The following SHROOM2 variants were observed in gnomAD, a reference collection of about 807,000 sequenced individuals.
SHROOM2 encodes shroom family member 2.
In SHROOM2, 33 loss-of-function variants were observed where a neutral mutation model predicts 75.9. The observed-to-expected ratio is 0.43, with a 90% CI of 0.33 to 0.58. The LOEUF (loss-of-function observed/expected upper bound fraction) is 0.58. Among genes scored for constraint, SHROOM2 ranks in the 20% least tolerant of loss-of-function variants. The pLI, the probability that SHROOM2 is intolerant of heterozygous loss-of-function variation, is 0.04. For synonymous variants in SHROOM2, 655 were observed against 663.6 expected (o/e 0.99, Z 0.20); for missense variants, 1,434 against 1,461.2 (o/e 0.98, Z 0.30).
intron 1 of SHROOM2, among the ~76,000 whole-genome samples, chrX:9,808,276 ACTGTGCG>A (rs2083767714): frequency 9.3e-6 from 1 of 108,052 alleles, no homozygotes; most frequent in African/African-American, 3.4e-5. Flanking sequence ...AAAAATGGAG[ACTGTGCG>A]CTGTGGCTCA....
Position 9,894,657 on chromosome X carries a change from G to C in SHROOM2, c.749G>C (p.Arg250Pro). The part of the protein sequence containing the change: ...GLWEAPRQGG[R>P]QAQAAGDPQG... ...TGGGAGGCTCCCAGGCAGGGTGGCC[G>C]GCAGGCCCAGGCCGCAGGCGACCCT... Residue 250 changes from arginine to proline, a missense_variant, in exon 4 of 10, where the codon CGG (arginine) becomes CCG (proline). By Grantham distance (103) the Arg-to-Pro change is moderately radical. This residue lies in a region of SHROOM2 where 1,340 missense variants were observed against 1,338.3 expected (regional missense o/e 1.00). Coordinates refer to ENST00000380913, the MANE Select transcript of SHROOM2 (RefSeq NM_001649.4). 1 of 1,211,073 alleles carries C rather than the reference G, an allele frequency of 8.3e-7. No homozygotes were observed.
intron 3 of SHROOM2, among the ~76,000 whole-genome samples, chrX:9,891,683 G>T (rs1022207748): frequency 9.0e-6 from 1 of 110,519 alleles, no homozygotes. Context: ...TGAGTGTGTG[G>T]GGGGGTGTGA....
intron 1 of SHROOM2, among the ~76,000 whole-genome samples, chrX:9,808,936 G>C (rs550485334): frequency 1.5e-4 from 17 of 110,634 alleles, no homozygotes; most frequent in African/African-American, 2.3e-4. Context: ...GTACAGTTTA[G>C]TGGTATTTTT....
intron 5 of SHROOM2, among the ~76,000 whole-genome samples, chrX:9,931,867 C>G (rs2084651023): frequency 9.0e-6 from 1 of 110,726 alleles, no homozygotes; most frequent in African/African-American, 3.3e-5. Flanking sequence ...AGTTTTTGTT[C>G]ATTTATTCCT....
chrX:9,917,532 GTTT>G lies in SHROOM2; in HGVS notation c.2892-14639_2892-14637del, dbSNP rs762879752. ...TGTTGTTGTTGTTGTTGTTGTTGTTGTTTTTTGAGATGGAGTCTCGCTCTGTCA... is the reference window on the plus strand; with the variant it reads ...TGTTGTTGTTGTTGTTGTTGTTGTTGTTTGAGATGGAGTCTCGCTCTGTCA... On this transcript the variant is annotated intron_variant, in intron 5 of 9. Transcript: ENST00000380913. Among the ~76,000 whole-genome samples the G allele has an allele frequency of 4.5e-3, 494 of 110,213 alleles. 1 individual carries two copies. The highest frequency in any genetic ancestry group is 0.015 in the African/African-American group (469 of 30,483).
At chrX:9,899,302 A>G (rs747791696) in intron 5 of SHROOM2, among the ~76,000 whole-genome samples, 186 of 110,028 alleles carry the variant, frequency 1.7e-3, no homozygotes, top group African/African-American at 6.1e-3. Flanking sequence ...TCATCACACG[A>G]GGAGGGCAGG....
At chrX:9,932,911 A>C in intron 6 of SHROOM2, 41 bp downstream of exon 6, 1 of 1,084,126 alleles carries the variant, frequency 9.2e-7, no homozygotes, top group Non-Finnish European at 1.2e-6. Context: ...TGAGGCTCCT[A>C]ATGTGGGACG....
At chrX:9,937,753 G>C (rs1396060216) in intron 7 of SHROOM2, 68 bp downstream of exon 7, 1 of 939,689 alleles carries the variant, frequency 1.1e-6, no homozygotes, top group African/African-American at 2.0e-5. Context: ...GTAAAGGGAA[G>C]GGGGTCTGCC....
At chrX:9,921,344 A>G (rs778490860) in intron 5 of SHROOM2, among the ~76,000 whole-genome samples, 2 of 112,259 alleles carry the variant, frequency 1.8e-5, no homozygotes, top group East Asian at 2.8e-4. Flanking sequence ...TATTTAATGT[A>G]TACAACTTGA....
chrX:9,920,175 T>C (rs1411558625), intron 5 of SHROOM2, among the ~76,000 whole-genome samples: 2 of 111,075 alleles, frequency 1.8e-5, no homozygotes, highest in Non-Finnish European at 3.8e-5. Context: ...CTACAGCTCC[T>C]CAGACAGTAT....
rs149071551 is a variant in SHROOM2 at position 9,810,651 on chromosome X, G to A, written c.165+23941G>A. Among the ~76,000 whole-genome samples the A allele has an allele frequency of 9.2e-3, 1,014 of 110,652 alleles. 10 individuals carry two copies. The highest frequency in any genetic ancestry group is 0.031 in the African/African-American group (941 of 30,442). On this transcript the variant is annotated intron_variant, in intron 1 of 9. Transcript: ENST00000380913. Reference sequence around the variant, plus strand: ...GGAACAGGAAGCAAAAATTTTGCTAGTGGATCACTAGGGGTGATGGTGAGT... The same window carrying A: ...GGAACAGGAAGCAAAAATTTTGCTAATGGATCACTAGGGGTGATGGTGAGT...
Position 9,878,292 on chromosome X carries a change from C to G in SHROOM2, c.317+4489C>G, listed in dbSNP as rs73474562. On this transcript the variant is annotated intron_variant, in intron 2 of 9. Coordinates refer to ENST00000380913, the MANE Select transcript of SHROOM2 (RefSeq NM_001649.4). The stretch of plus-strand genomic sequence containing the variant: ...GGCCAAATCGTGGATAGGGTTGATT[C>G]ATGTCACTTCCTGCCTCTTTGCTGG... 5.9e-3 allele frequency among the ~76,000 whole-genome samples: 661 copies of G among 111,464 alleles called. 6 individuals are homozygous for G. The highest frequency in any genetic ancestry group is 0.02 in the African/African-American group (618 of 30,663).
At chrX:9,846,275 A>G (rs1361313937) in intron 1 of SHROOM2, among the ~76,000 whole-genome samples, 1 of 107,962 alleles carries the variant, frequency 9.3e-6, no homozygotes, top group Non-Finnish European at 1.9e-5. Context: ...GCATGCCACC[A>G]CGCACAGCTA....
intron 5 of SHROOM2, among the ~76,000 whole-genome samples, chrX:9,931,144 G>A (rs1452641856): frequency 9.0e-6 from 1 of 111,709 alleles, no homozygotes; most frequent in Non-Finnish European, 1.9e-5. Flanking sequence ...GCTGTTGTCT[G>A]AAGCTGAGGT....
intron 1 of SHROOM2, among the ~76,000 whole-genome samples, chrX:9,809,956 G>A (rs755888019): frequency 4.4e-5 from 5 of 112,764 alleles, no homozygotes; most frequent in South Asian, 7.3e-4. Flanking sequence ...GATTACAGGC[G>A]TGAGTCACTG....
rs142346803 is a variant in SHROOM2, at chrX:9,933,239, G to A, written c.3587+369G>A. 2.4e-3 allele frequency among the ~76,000 whole-genome samples: 267 copies of A among 110,831 alleles called. 1 individual carries two copies. The highest frequency in any genetic ancestry group is 8.6e-3 in the African/African-American group (261 of 30,455). On this transcript the variant is annotated intron_variant, in intron 6 of 9. Transcript: ENST00000380913. ...GCAGTCAATATTTGTGATTGGAATC[G>A]AGTTTAACCTAAGCATGCGACCTTT...
At chrX:9,875,105 A>AAAAAAAAAAAAAAAAAAAAAAAAAAT (rs2084192501) in intron 2 of SHROOM2, among the ~76,000 whole-genome samples, 1 of 100,447 alleles carries the variant, frequency 1.0e-5, no homozygotes, top group Non-Finnish European at 2.0e-5. Context: ...AAAAAAAAAA[A>AAAAAAAAAAAAAAAAAAAAAAAAAAT]AAAAAGGGGA....
At chrX:9,929,244 C>A (rs1197730878) in intron 5 of SHROOM2, among the ~76,000 whole-genome samples, 1 of 110,567 alleles carries the variant, frequency 9.0e-6, no homozygotes, top group Non-Finnish European at 1.9e-5. Flanking sequence ...ACAATAAAAA[C>A]CAATTAGTGA....
intron 1 of SHROOM2, among the ~76,000 whole-genome samples, chrX:9,853,041 A>G (rs1365328935): frequency 8.9e-6 from 1 of 111,910 alleles, no homozygotes; most frequent in Non-Finnish European, 1.9e-5. Flanking sequence ...GGGATTGTGG[A>G]TGGTTTCCTC....
Sources: allele counts gnomAD v4.1 joint callset (sites outside exome capture counted in the v4.1 genomes callset), GRCh38; gene constraint gnomAD v4.1.1; regional missense constraint gnomAD v4.1.1; transcripts MANE v1.5; gene names NCBI Gene and HGNC (gene_info 2026-07-23, HGNC 2026-07-21).